Variants in HERC5 observed in about 807,000 individuals in gnomAD.
HERC5 encodes the protein E3 ISG15--protein ligase HERC5.
HERC5 carries 99 observed loss-of-function variants against 119.6 expected under a neutral mutation model. That is an observed-to-expected ratio of 0.83 (90% CI 0.70 to 0.98). The LOEUF (loss-of-function observed/expected upper bound fraction) is 0.98, where lower values mean the gene tolerates loss of function less well. Among genes scored for constraint, HERC5 ranks in the 50% least tolerant of loss-of-function variants. HERC5 has a pLI of 0.00. For synonymous variants in HERC5, 478 were observed against 445.9 expected (o/e 1.07, Z -0.91); for missense variants, 1,267 against 1,241.3 (o/e 1.02, Z -0.31).
rs1741694009 is a variant in HERC5 at position 88,493,009 on chromosome 4, C to A, written c.2134-3C>A. 1 of 1,613,344 alleles carries A rather than the reference C, an allele frequency of 6.2e-7. No homozygotes were observed. Among genetic ancestry groups the A allele is most frequent in the African/African-American group, 1.3e-5 (1 of 74,886 alleles). ...TGATGTATTATTTGCTCTGTTTCCT[C>A]AGGTTTCATTTAGTGGAGAAATTGG... On this transcript the variant is annotated splice_polypyrimidine_tract_variant and splice_region_variant and intron_variant, in intron 16 of 22. Coordinates refer to ENST00000264350, the MANE Select transcript of HERC5 (RefSeq NM_016323.4).
chr4:88,494,388 T>C, intron 18 of HERC5, 57 bp downstream of exon 18: 3 of 1,396,686 alleles, frequency 2.1e-6, no homozygotes, highest in Non-Finnish European at 3.0e-6. Flanking sequence ...TAGGCAAATA[T>C]TTAAGTACAC....
intron 1 of HERC5, chr4:88,458,072 C>G: frequency 1.0e-6 from 1 of 985,544 alleles, no homozygotes; most frequent in Non-Finnish European, 1.2e-6. Context: ...GTTTATTTTG[C>G]GTTTAACTAC....
chr4:88,470,772 C>T, intron 10 of HERC5, 99 bp downstream of exon 10: 1 of 526,010 alleles, frequency 1.9e-6, no homozygotes, highest in Non-Finnish European at 3.3e-6. Context: ...TGTGTTCATC[C>T]CTTTTTAAAA....
At chr4:88,502,792 A>C (rs371685246) in intron 20 of HERC5, among the ~76,000 whole-genome samples, 1 of 151,854 alleles carries the variant, frequency 6.6e-6, no homozygotes, top group African/African-American at 2.4e-5. Flanking sequence ...AGCACTTTAT[A>C]TGCTTATTGG....
Position 88,493,159 on chromosome 4 carries a change from AGTTC to A in HERC5, c.2277+5_2277+8del. 6.2e-7 allele frequency: 1 copy of A among 1,613,496 alleles called. No individual in the cohort carries two copies. The highest frequency in any genetic ancestry group is 8.5e-7 in the Non-Finnish European group (1 of 1,179,712). On this transcript the variant is annotated splice_donor_5th_base_variant and intron_variant, in intron 17 of 22. Transcript: ENST00000264350. ...CTGCATGTGGTTTCCTGTCAAGGTA[AGTTC>A]CCTCTTCTTTGCTTAAGGTATTTTG...
At chr4:88,481,005 A>T (rs1232358523) in intron 13 of HERC5, among the ~76,000 whole-genome samples, 1 of 151,992 alleles carries the variant, frequency 6.6e-6, no homozygotes, top group African/African-American at 2.4e-5. Flanking sequence ...AAATTTGTCA[A>T]TCCATTTCTT....
chr4:88,486,379 C>A, intron 14 of HERC5, 151 bp downstream of exon 14: 1 of 543,232 alleles, frequency 1.8e-6, no homozygotes, highest in Non-Finnish European at 3.3e-6. Flanking sequence ...AGTCAGAGTT[C>A]CAGCAGAAAA....
chr4:88,475,701 G>A, intron 11 of HERC5, 140 bp from the exon 12 acceptor site: 1 of 710,968 alleles, frequency 1.4e-6, no homozygotes, highest in Non-Finnish European at 2.4e-6. Flanking sequence ...ATGTAAACAG[G>A]GGTTTTAGAA....
intron 12 of HERC5, among the ~76,000 whole-genome samples, chr4:88,478,699 C>T (rs997650223): frequency 3.9e-5 from 6 of 152,106 alleles, no homozygotes; most frequent in Non-Finnish European, 8.8e-5. Context: ...GCAGCCTCCA[C>T]CTCCCAGTCT....
At chr4:88,478,970 C>G (rs1741175560) in intron 12 of HERC5, among the ~76,000 whole-genome samples, 1 of 151,892 alleles carries the variant, frequency 6.6e-6, no homozygotes, top group South Asian at 2.1e-4. Context: ...TATATGTATC[C>G]CATTACATTT....
intron 15 of HERC5, among the ~76,000 whole-genome samples, chr4:88,488,224 CT>C (rs927992223): frequency 2.0e-5 from 3 of 148,250 alleles, no homozygotes; most frequent in Admixed American, 6.7e-5. Context: ...AAAGCATAGA[CT>C]TTTTTTTTCT....
rs557260575 is a variant in HERC5 at position 88,463,750 on chromosome 4, G to T, written c.781-105G>T. ...AGGACTGTCCTTCTGATATTTAGGA[G>T]CTTTACTTTGACAGTGCTATTTATT... On this transcript the variant is annotated intron_variant, in intron 5 of 22. Transcript: ENST00000264350. 4 of 1,420,052 alleles carry T rather than the reference G, an allele frequency of 2.8e-6. No homozygotes were observed. The African/African-American group carries it at 4.3e-5, about 15-fold the overall frequency. 88.0% of individuals were successfully genotyped at this position (1,420,052 alleles called of 1,614,324 possible).
rs746709653 is a variant in HERC5 at position 88,493,134 on chromosome 4, C to T, written c.2256C>T (p.Ser752=). The change falls in exon 17 of 23, where the codon TCC becomes TCT. Residue 752 remains serine (S), a synonymous_variant. Transcript: ENST00000264350. ...TGTTCATGTATCCTGAAGGGGCTTC[C>T]TGCATGTGGTTTCCTGTCAAGGTAA... The part of the protein sequence containing the change: ...YGMFMYPEGA[S]CMWFPVKPKF... 4.3e-6 allele frequency: 7 copies of T among 1,613,546 alleles called. No individual in the cohort carries two copies. In the Admixed American group the frequency reaches 8.3e-5, roughly 19 times the overall value.
Position 88,476,025 on chromosome 4 carries a change from T to C in HERC5, c.1577T>C (p.Val526Ala), listed in dbSNP as rs754802437. ...VCKMSDQSSL[V>A]LEEYWATLQE... The stretch of plus-strand genomic sequence containing the variant: ...AAAATGAGTGACCAGTCTTCACTGG[T>C]TCTGGGTAAGTTTGATCATTTGAAG... The change falls in exon 12 of 23, where the codon GTT becomes GCT. Residue 526 changes from valine to alanine, a missense_variant. Coordinates refer to ENST00000264350, the MANE Select transcript of HERC5 (RefSeq NM_016323.4). 1.2e-6 allele frequency: 2 copies of C among 1,612,544 alleles called. No individual in the cohort carries two copies. Among genetic ancestry groups the C allele is most frequent in the Non-Finnish European group, 1.7e-6 (2 of 1,179,484 alleles).
intron 11 of HERC5, among the ~76,000 whole-genome samples, chr4:88,474,624 A>G (rs1045294303): frequency 6.6e-6 from 1 of 152,218 alleles, no homozygotes; most frequent in Non-Finnish European, 1.5e-5. Flanking sequence ...TCGTACATTT[A>G]CAGATATCAC....
intron 9 of HERC5, among the ~76,000 whole-genome samples, chr4:88,470,085 T>C (rs1740817066): frequency 6.6e-6 from 1 of 152,248 alleles, no homozygotes; most frequent in African/African-American, 2.4e-5. Context: ...CATCATCTTT[T>C]AGAAATATTT....
intron 13 of HERC5, among the ~76,000 whole-genome samples, chr4:88,481,881 A>G (rs1298453654): frequency 7.2e-5 from 11 of 152,242 alleles, no homozygotes; most frequent in Admixed American, 2.0e-4. Context: ...AGGCCTAAAA[A>G]GGTTAAAAAC....
intron 17 of HERC5, 128 bp downstream of exon 17, chr4:88,493,283 T>A: frequency 2.6e-6 from 2 of 765,246 alleles, no homozygotes; most frequent in Non-Finnish European, 4.0e-6. Context: ...GGAGATAATG[T>A]ATAATTCTAA....
Position 88,475,895 on chromosome 4 carries a change from C to T in HERC5, c.1447C>T (p.Pro483Ser), listed in dbSNP as rs1249946886. 2 of 1,613,906 alleles carry T rather than the reference C, an allele frequency of 1.2e-6. No homozygotes were observed. Among genetic ancestry groups the T allele is most frequent in the African/African-American group, 1.3e-5 (1 of 74,916 alleles). The change falls in exon 12 of 23, where the codon CCC becomes TCC. Residue 483 changes from proline (P) to serine (S), a missense_variant. By Grantham distance (74) the Pro-to-Ser change is moderately conservative. Around this residue, in one of 3 missense-constraint regions of HERC5, gnomAD observed 777 missense variants for 758.0 expected, o/e 1.03. Coordinates refer to ENST00000264350, the MANE Select transcript of HERC5 (RefSeq NM_016323.4). ...CAAAAGACTTCCATTTCATTCTCCA[C>T]CCCAAGAAGCTTTAGAAATTTTCTT... ...LLKRLPFHSP[P>S]QEALEIFFLL...
Sources: allele counts gnomAD v4.1 joint callset (sites outside exome capture counted in the v4.1 genomes callset), GRCh38; gene constraint gnomAD v4.1.1; regional missense constraint gnomAD v4.1.1; transcripts MANE v1.5; gene names NCBI Gene and HGNC (gene_info 2026-07-23, HGNC 2026-07-21).